The following CEPT1 variants were observed in gnomAD, a reference collection of about 807,000 sequenced individuals.
The protein encoded by CEPT1 is choline/ethanolaminephosphotransferase 1.
Under a neutral mutation model 42.6 loss-of-function variants are expected in CEPT1, and 7 were observed. That is an observed-to-expected ratio of 0.16 (90% CI 0.09 to 0.31). The LOEUF (loss-of-function observed/expected upper bound fraction) is 0.31. Among genes scored for constraint, CEPT1 ranks in the 10% least tolerant of loss-of-function variants. The probability of loss-of-function intolerance (pLI) is 1.00; values close to 1 mark genes in which losing one functional copy is unlikely to be tolerated. For missense variants in CEPT1, 306 were observed against 502.1 expected, an observed-to-expected ratio of 0.61 and a Z score of 3.73; for synonymous variants, 171 against 171.9, an observed-to-expected ratio of 0.99 and a Z score of 0.04.
chr1:111,159,579 GT>G, intron 3 of CEPT1, 52 bp downstream of exon 3: 1 of 1,410,940 alleles, frequency 7.1e-7, no homozygotes, highest in Non-Finnish European at 9.7e-7. Context: ...TTAAACCAGT[GT>G]GCTAAGCAGT....
At chr1:111,175,301 C>T (rs770883400) in intron 5 of CEPT1, among the ~76,000 whole-genome samples, 24 of 152,112 alleles carry the variant, frequency 1.6e-4, no homozygotes, top group Non-Finnish European at 3.1e-4. Flanking sequence ...CTACATGAGT[C>T]TACTAGTTTT....
chr1:111,184,610 C>T lies in CEPT1; in HGVS notation c.*300C>T, dbSNP rs868707314. The T allele has an allele frequency of 1.5e-5, 3 of 201,914 alleles. No homozygotes were observed. Among genetic ancestry groups the T allele is most frequent in the South Asian group, 2.0e-4 (2 of 9,974 alleles). The allele number at this position is 201,914 out of a possible 1,614,324, so 12.5% of individuals were successfully genotyped here. On this transcript the variant is annotated 3_prime_UTR_variant, in exon 9 of 9. Coordinates refer to ENST00000357172, the MANE Select transcript of CEPT1 (RefSeq NM_006090.5). ...TAATACTGTGATGGGGAGCCAGATC[C>T]GCAGTGGTGGAGAGTTCTAATGTTG...
At chr1:111,183,002 T>C in intron 7 of CEPT1, 45 bp downstream of exon 7, 1 of 1,572,266 alleles carries the variant, frequency 6.4e-7, no homozygotes, top group East Asian at 2.2e-5. Context: ...ACTTTCATCT[T>C]ATTTTGGATT....
rs149230078 is a variant in CEPT1 at position 111,158,902 on chromosome 1, CTTTTTTTTTTTTTTTTT to C, written c.340-465_340-449del. Among the ~76,000 whole-genome samples, 14 of 55,458 alleles carry C rather than the reference CTTTTTTTTTTTTTTTTT, an allele frequency of 2.5e-4. No individual in the cohort carries two copies. The East Asian group carries it at 6.8e-3, about 27-fold the overall frequency. The allele number at this position is 55,458 out of a possible 152,430, so 36.4% of individuals were successfully genotyped here. A position where few individuals can be genotyped will look rare whatever the true frequency, so the allele number is the denominator to read the frequency against. ...CAGGAAATTTAATTCTTTTACAATT[CTTTTTTTTTTTTTTTTT>C]TTTTTTTTTTTTGAGACGGAGTCTC... On this transcript the variant is annotated intron_variant, in intron 2 of 8. Transcript: ENST00000357172.
chr1:111,176,250 A>C (rs573244032), intron 5 of CEPT1, among the ~76,000 whole-genome samples: 2 of 152,136 alleles, frequency 1.3e-5, no homozygotes, highest in African/African-American at 4.8e-5. Flanking sequence ...TTTTGAGACT[A>C]ATGTGTAGGA....
intron 4 of CEPT1, among the ~76,000 whole-genome samples, chr1:111,170,306 C>T (rs965289657): frequency 2.0e-5 from 3 of 152,142 alleles, no homozygotes; most frequent in African/African-American, 7.2e-5. Flanking sequence ...TCTCTTCTTA[C>T]TCAGAGTTAT....
chr1:111,167,258 T>C, intron 4 of CEPT1: 9 of 985,222 alleles, frequency 9.1e-6, no homozygotes, highest in Non-Finnish European at 9.6e-6. Flanking sequence ...AGCACCTTTG[T>C]CATGCACAGA....
intron 1 of CEPT1, among the ~76,000 whole-genome samples, chr1:111,146,374 A>G (rs1026194171): frequency 1.3e-5 from 2 of 152,090 alleles, no homozygotes; most frequent in African/African-American, 4.8e-5. Context: ...CCCAAAAGCC[A>G]AAAAATAACA....
At chr1:111,148,430 A>G (rs939965066) in intron 2 of CEPT1, among the ~76,000 whole-genome samples, 2 of 151,334 alleles carry the variant, frequency 1.3e-5, no homozygotes, top group African/African-American at 4.8e-5. Flanking sequence ...GCATGACTGT[A>G]AACTAGCCTT....
At chr1:111,167,151 T>C in intron 4 of CEPT1, 1 of 985,260 alleles carries the variant, frequency 1.0e-6, no homozygotes, top group Non-Finnish European at 1.2e-6. Context: ...TATGCCAGCT[T>C]CTCACAGGAA....
intron 2 of CEPT1, among the ~76,000 whole-genome samples, chr1:111,158,712 T>C (rs1270719500): frequency 6.6e-6 from 1 of 152,060 alleles, no homozygotes; most frequent in Non-Finnish European, 1.5e-5. Flanking sequence ...GAATTTTTCA[T>C]GTAATACCTG....
chr1:111,159,936 C>A, intron 3 of CEPT1: 1 of 154,392 alleles, frequency 6.5e-6, no homozygotes, highest in South Asian at 2.0e-4. Context: ...ATAAGAAGCT[C>A]AGAGAAAGAC....
chr1:111,174,579 T>A (rs973447464), intron 4 of CEPT1, among the ~76,000 whole-genome samples: 22 of 152,014 alleles, frequency 1.4e-4, no homozygotes, highest in African/African-American at 5.3e-4. Context: ...TCAATTTTTT[T>A]TTTTTTTGGT....
At chr1:111,157,858 G>A (rs2101293390) in intron 2 of CEPT1, among the ~76,000 whole-genome samples, 1 of 152,278 alleles carries the variant, frequency 6.6e-6, no homozygotes, top group East Asian at 1.9e-4. Context: ...TATACTGAAT[G>A]TTATTTGCAT....
chr1:111,154,194 ATT>A (rs1362506949), intron 2 of CEPT1, among the ~76,000 whole-genome samples: 4 of 25,486 alleles, frequency 1.6e-4, no homozygotes, highest in Non-Finnish European at 3.0e-4. Context: ...CAAGTATTTT[ATT>A]TTATTTTATT....
Position 111,174,958 on chromosome 1 carries a change from T to A in CEPT1, c.709T>A (p.Ser237Thr). 6.3e-7 allele frequency: 1 copy of A among 1,599,748 alleles called. No homozygotes were observed. The highest frequency in any genetic ancestry group is 8.6e-7 in the Non-Finnish European group (1 of 1,167,100). ...GATTGGAGGACCACCTTTTTGGCAA[T>A]CTATGGTAACTTTGTTCACATTGTG... ...AVIGGPPFWQ[S>T]MIPVLNIQMK... Residue 237 changes from serine to threonine, a missense_variant, in exon 5 of 9, where the codon TCT becomes ACT. Physicochemically the swap from Ser to Thr is moderately conservative, Grantham distance 58. Transcript: ENST00000357172.
chr1:111,150,459 A>G (rs1655205931), intron 2 of CEPT1, among the ~76,000 whole-genome samples: 1 of 152,014 alleles, frequency 6.6e-6, no homozygotes, highest in Non-Finnish European at 1.5e-5. Flanking sequence ...CTAAGTCCTT[A>G]TTTCTTTTAT....
chr1:111,149,414 C>T (rs1482081632), intron 2 of CEPT1, among the ~76,000 whole-genome samples: 3 of 152,082 alleles, frequency 2.0e-5, no homozygotes, highest in Non-Finnish European at 4.4e-5. Context: ...AGGCCCGCAC[C>T]ATCACGCCCG....
chr1:111,148,375 C>CAA (rs34084366), intron 2 of CEPT1, among the ~76,000 whole-genome samples: 21 of 75,156 alleles, frequency 2.8e-4, no homozygotes, highest in African/African-American at 6.8e-4. Flanking sequence ...AAAGTCTTAG[C>CAA]AAAAAAAAAA....
Sources: allele counts gnomAD v4.1 joint callset (sites outside exome capture counted in the v4.1 genomes callset), GRCh38; gene constraint gnomAD v4.1.1; transcripts MANE v1.5; gene names NCBI Gene and HGNC (gene_info 2026-07-23, HGNC 2026-07-21).